Variants in RIMS4 observed in about 807,000 individuals in gnomAD.
RIMS4 encodes regulating synaptic membrane exocytosis 4.
Under a neutral mutation model 29.0 loss-of-function variants are expected in RIMS4, and 9 were observed. The ratio of observed to expected loss-of-function variants is 0.31; its 90% CI spans 0.19 to 0.54. The LOEUF is 0.54. RIMS4 is among the 20% of genes least tolerant of loss of function. The probability of loss-of-function intolerance (pLI) is 0.94; values close to 1 mark genes in which losing one functional copy is unlikely to be tolerated. For missense variants in RIMS4, 193 were observed against 365.7 expected, an observed-to-expected ratio of 0.53 and a Z score of 3.85; for synonymous variants, 130 against 152.9, an observed-to-expected ratio of 0.85 and a Z score of 1.10.
chr20:44,789,317 A>G (rs1302411316), intron 1 of RIMS4, among the ~76,000 whole-genome samples: 1 of 152,120 alleles, frequency 6.6e-6, no homozygotes, highest in Non-Finnish European at 1.5e-5. Context: ...AATTTTTTTG[A>G]GACGGAGTCT....
At chr20:44,764,536 C>T (rs559254764) in intron 2 of RIMS4, among the ~76,000 whole-genome samples, 1 of 151,982 alleles carries the variant, frequency 6.6e-6, no homozygotes, top group African/African-American at 2.4e-5. Flanking sequence ...AAGTGGGTGT[C>T]GGAAGAGGTG....
chr20:44,776,074 T>A (rs1941111884), intron 1 of RIMS4, among the ~76,000 whole-genome samples: 1 of 151,042 alleles, frequency 6.6e-6, no homozygotes, highest in South Asian at 2.1e-4. Context: ...AGCCCAGGAG[T>A]TTCAGACCAG....
At chr20:44,757,862 C>T (rs926336673) in intron 3 of RIMS4, 91 bp from the exon 4 acceptor site, 52 of 1,185,764 alleles carry the variant, frequency 4.4e-5, no homozygotes, top group Admixed American at 1.2e-4. Context: ...GCTGAAACCC[C>T]CTTCCCCTGC....
At chr20:44,803,725 G>A (rs1487024204) in intron 1 of RIMS4, among the ~76,000 whole-genome samples, 1 of 152,234 alleles carries the variant, frequency 6.6e-6, no homozygotes, top group South Asian at 2.1e-4. Context: ...ATAGCACAGC[G>A]TTAAATATAA....
chr20:44,761,030 C>G (rs990057757), intron 2 of RIMS4, among the ~76,000 whole-genome samples: 4 of 152,088 alleles, frequency 2.6e-5, no homozygotes, highest in Non-Finnish European at 5.9e-5. Context: ...GAAATTTACA[C>G]AGATTCTCTC....
intron 1 of RIMS4, among the ~76,000 whole-genome samples, chr20:44,796,576 A>G (rs1156344401): frequency 6.6e-6 from 1 of 152,172 alleles, no homozygotes; most frequent in Non-Finnish European, 1.5e-5. Flanking sequence ...GAAAAGCCAG[A>G]CTGTGCAAGC....
intron 1 of RIMS4, among the ~76,000 whole-genome samples, chr20:44,772,402 C>G (rs1248067021): frequency 6.6e-6 from 1 of 152,188 alleles, no homozygotes; most frequent in African/African-American, 2.4e-5. Flanking sequence ...ACTCTTGAAG[C>G]CTCAGCACCA....
At position 44,789,345 on chromosome 20, in the gene RIMS4, T is replaced by A. The variant is rs1264353145; in HGVS notation, c.98-17932A>T. 3.3e-5 allele frequency among the ~76,000 whole-genome samples: 5 copies of A among 152,220 alleles called. No individual in the cohort carries two copies. The East Asian group carries it at 9.6e-4, about 29-fold the overall frequency. ...CGGAGTCTCTCTCTGTCACCCAGGC[T>A]GGAGTGCAGTGGAGCGATCTCGGCT... On this transcript the variant is annotated intron_variant, in intron 1 of 5. Transcript: ENST00000372851.
chr20:44,773,171 T>C (rs953418453), intron 1 of RIMS4, among the ~76,000 whole-genome samples: 14 of 152,082 alleles, frequency 9.2e-5, no homozygotes, highest in African/African-American at 2.9e-4. Flanking sequence ...TGTCGCTCTG[T>C]GTGTTTGAGG....
intron 1 of RIMS4, among the ~76,000 whole-genome samples, chr20:44,800,293 T>C (rs537341541): frequency 2.6e-5 from 4 of 152,078 alleles, no homozygotes; most frequent in African/African-American, 9.6e-5. Context: ...GATAGCTGAG[T>C]AGAAGGGAGA....
rs117274933 is a variant in RIMS4, at chr20:44,790,857, T to C, written c.97+19318A>G. ...TTGCATTTAAATGCAGGGCCAGGCA[T>C]AGAATAAAATCCTGGGGAGGTCTGT... is the stretch of plus-strand genomic sequence containing the variant. On this transcript the variant is annotated intron_variant, in intron 1 of 5. Coordinates refer to ENST00000372851, the MANE Select transcript of RIMS4 (RefSeq NM_182970.4). 1.8e-3 allele frequency among the ~76,000 whole-genome samples: 269 copies of C among 152,350 alleles called. 7 individuals carry two copies. The highest frequency in any genetic ancestry group is 6.8e-3 in the Middle Eastern group (2 of 294).
Position 44,772,822 on chromosome 20 carries a change from A to G in RIMS4, c.98-1409T>C, listed in dbSNP as rs916265907. Among the ~76,000 whole-genome samples, 4 of 152,290 alleles carry G rather than the reference A, an allele frequency of 2.6e-5. No individual in the cohort carries two copies. In the East Asian group the frequency reaches 7.7e-4, roughly 29 times the overall value. On this transcript the variant is annotated intron_variant, in intron 1 of 5. Coordinates refer to ENST00000372851, the MANE Select transcript of RIMS4 (RefSeq NM_182970.4). ...GTCATCCTCCTCCTGCCAGAGGACA[A>G]GAGAGCTGGGCCTGCGTACAGGAGC...
At position 44,785,750 on chromosome 20, in the gene RIMS4, CTTTTTTTT is replaced by C. The variant is rs969567189; in HGVS notation, c.98-14345_98-14338del. Among the ~76,000 whole-genome samples, 9 of 122,966 alleles carry C rather than the reference CTTTTTTTT, an allele frequency of 7.3e-5. No individual in the cohort carries two copies. The East Asian group carries it at 1.6e-3, about 22-fold the overall frequency. The allele number at this position is 122,966 out of a possible 152,430, so 80.7% of individuals were successfully genotyped here. ...AGATTGGGGATGATACATAGGTTTT[CTTTTTTTT>C]TTTTTTTTTTGCCAACTCTGGTAGC... On this transcript the variant is annotated intron_variant, in intron 1 of 5. Transcript: ENST00000372851.
chr20:44,762,889 A>T (rs901545712), intron 2 of RIMS4, among the ~76,000 whole-genome samples: 3 of 152,188 alleles, frequency 2.0e-5, no homozygotes, highest in Non-Finnish European at 4.4e-5. Context: ...ACCTCTGACA[A>T]GTTGTTATTG....
chr20:44,799,158 C>T (rs1945723192), intron 1 of RIMS4, among the ~76,000 whole-genome samples: 1 of 152,160 alleles, frequency 6.6e-6, no homozygotes, highest in African/African-American at 2.4e-5. Flanking sequence ...TAAAAATTAG[C>T]TGGGCATGGT....
intron 1 of RIMS4, among the ~76,000 whole-genome samples, chr20:44,803,045 T>C (rs1256148521): frequency 6.6e-6 from 1 of 152,194 alleles, no homozygotes. Flanking sequence ...CATTATCTCC[T>C]AGCCCATCAT....
chr20:44,804,280 G>C lies in RIMS4; in HGVS notation c.97+5895C>G, dbSNP rs1355371716. 2.6e-5 allele frequency among the ~76,000 whole-genome samples: 4 copies of C among 152,182 alleles called. No homozygotes were observed. In the East Asian group the frequency reaches 5.8e-4, roughly 22 times the overall value. ...ATTTTTATAATCCTGAGAGATGCTT[G>C]AACAAAAATAATTAACCCTTTTTTT... is the stretch of plus-strand genomic sequence containing the variant. On this transcript the variant is annotated intron_variant, in intron 1 of 5. Transcript: ENST00000372851.
intron 2 of RIMS4, among the ~76,000 whole-genome samples, chr20:44,767,116 T>A (rs2066117103): frequency 6.6e-6 from 1 of 152,178 alleles, no homozygotes; most frequent in Non-Finnish European, 1.5e-5. Context: ...TCCCACATGC[T>A]CCTCTGCTAT....
intron 1 of RIMS4, among the ~76,000 whole-genome samples, chr20:44,778,831 A>G (rs2066171634): frequency 6.6e-6 from 1 of 152,124 alleles, no homozygotes; most frequent in Admixed American, 6.6e-5. Context: ...TCACTCTATT[A>G]GTTGTGTGAT....
Sources: allele counts gnomAD v4.1 joint callset (sites outside exome capture counted in the v4.1 genomes callset), GRCh38; gene constraint gnomAD v4.1.1; transcripts MANE v1.5; gene names NCBI Gene and HGNC (gene_info 2026-07-23, HGNC 2026-07-21).